Variants in ERG observed in about 807,000 individuals in gnomAD.
The protein encoded by ERG is ETS transcription factor ERG.
In ERG, 9 loss-of-function variants were observed where a neutral mutation model predicts 55.3. The observed-to-expected ratio is 0.16, with a 90% CI of 0.10 to 0.28. The LOEUF (loss-of-function observed/expected upper bound fraction) is 0.28. ERG is among the 10% of genes least tolerant of loss of function. The pLI, the probability that ERG is intolerant of heterozygous loss-of-function variation, is 1.00. For missense variants in ERG, 434 were observed against 631.6 expected (o/e 0.69, Z 3.35); for synonymous variants, 223 against 237.3 (o/e 0.94, Z 0.55).
intron 1 of ERG, among the ~76,000 whole-genome samples, chr21:38,644,621 C>G (rs935140724): frequency 6.6e-5 from 10 of 152,102 alleles, no homozygotes; most frequent in African/African-American, 2.2e-4. Flanking sequence ...CAAGGAAGAA[C>G]TAACTTAGGC....
At chr21:38,384,436 T>C (rs1987596728) in intron 9 of ERG, among the ~76,000 whole-genome samples, 1 of 152,218 alleles carries the variant, frequency 6.6e-6, no homozygotes, top group African/African-American at 2.4e-5. Context: ...CCTAGGACGA[T>C]GATCTAACAG....
At chr21:38,384,716 T>A (rs1987611505) in intron 9 of ERG, among the ~76,000 whole-genome samples, 1 of 151,554 alleles carries the variant, frequency 6.6e-6, no homozygotes, top group Admixed American at 6.6e-5. Flanking sequence ...TGGAAAAAAA[T>A]CGAGAATGGA....
intron 1 of ERG, among the ~76,000 whole-genome samples, chr21:38,621,907 C>T (rs2146943436): frequency 6.6e-6 from 1 of 152,346 alleles, no homozygotes; most frequent in Non-Finnish European, 1.5e-5. Context: ...AAATGGCTGA[C>T]ATCGAGATGA....
intron 2 of ERG, among the ~76,000 whole-genome samples, chr21:38,565,203 T>G (rs2059915466): frequency 6.6e-6 from 1 of 152,138 alleles, no homozygotes; most frequent in African/African-American, 2.4e-5. Flanking sequence ...TCTCACTACC[T>G]CCCCTTTCGC....
At chr21:38,536,096 G>A (rs888741694) in intron 2 of ERG, among the ~76,000 whole-genome samples, 16 of 151,960 alleles carry the variant, frequency 1.1e-4, no homozygotes, top group Non-Finnish European at 2.1e-4. Flanking sequence ...CTACTCCTAG[G>A]GATGGAGTAC....
Position 38,385,134 on chromosome 21 carries a change from T to A in ERG, c.920-1211A>T, listed in dbSNP as rs16996236. On this transcript the variant is annotated intron_variant, in intron 9 of 9. Coordinates refer to ENST00000288319, the MANE Select transcript of ERG (RefSeq NM_182918.4). ...GTTTTATGAAATTCAAAGAAAAATC[T>A]AGGCACATCATTCTAGCTGCTATGT... Among the ~76,000 whole-genome samples the A allele has an allele frequency of 7.0e-3, 1,073 of 152,330 alleles. 6 individuals are homozygous for A. Among genetic ancestry groups the A allele is most frequent in the African/African-American group, 0.024 (1,004 of 41,566 alleles).
chr21:38,578,009 C>G (rs1410251068), intron 1 of ERG, among the ~76,000 whole-genome samples: 1 of 152,200 alleles, frequency 6.6e-6, no homozygotes, highest in Admixed American at 6.5e-5. Flanking sequence ...CCCCTTCCTG[C>G]CTCCTGAAAC....
In ERG at chr21:38,441,534, A is replaced by G. The variant is rs71316643; in HGVS notation, c.236+3870T>C. On this transcript the variant is annotated intron_variant, in intron 2 of 9. Transcript: ENST00000288319. ...ATATCTTAAAATGTAAAAATATCCTATAAGTTCTATTTCTCTAGAGAATCC... is the reference window on the plus strand; with the variant it reads ...ATATCTTAAAATGTAAAAATATCCTGTAAGTTCTATTTCTCTAGAGAATCC... Among the ~76,000 whole-genome samples the G allele has an allele frequency of 3.7e-3, 558 of 152,234 alleles. 1 individual carries two copies. Among genetic ancestry groups the G allele is most frequent in the Middle Eastern group, 6.8e-3 (2 of 294 alleles).
intron 1 of ERG, among the ~76,000 whole-genome samples, chr21:38,492,477 C>A (rs1041971906): frequency 1.2e-4 from 18 of 152,326 alleles, no homozygotes; most frequent in African/African-American, 4.3e-4. Flanking sequence ...GATATCTTAA[C>A]TTCCTCTTTA....
chr21:38,369,399 G>C, the ERG span, among the ~76,000 whole-genome samples: 7 of 152,004 alleles, frequency 4.6e-5, no homozygotes, highest in Admixed American at 4.6e-4. Flanking sequence ...AATAATTGTT[G>C]GCCACATGTA....
At chr21:38,648,323 C>T (rs76745769) in intron 1 of ERG, among the ~76,000 whole-genome samples, 3,308 of 152,268 alleles carry the variant, frequency 0.022, 111 homozygotes, top group African/African-American at 0.074. Context: ...GCGATGCTAC[C>T]GCATGTTGTC....
intron 5 of ERG, 97 bp from the exon 6 acceptor site, chr21:38,400,742 G>C (rs1408424154): frequency 2.2e-6 from 2 of 910,652 alleles, no homozygotes; most frequent in Non-Finnish European, 1.7e-6. Context: ...TGACAACAAA[G>C]GGAAGAGACC....
intron 3 of ERG, among the ~76,000 whole-genome samples, chr21:38,415,499 G>A (rs1989236710): frequency 6.6e-6 from 1 of 152,034 alleles, no homozygotes; most frequent in African/African-American, 2.4e-5. Flanking sequence ...TATTTTAGTG[G>A]GTTTTGTTAT....
downstream of ERG, among the ~76,000 whole-genome samples, chr21:38,377,475 G>A (rs1269049597): frequency 6.6e-6 from 1 of 152,134 alleles, no homozygotes; most frequent in African/African-American, 2.4e-5. Flanking sequence ...AAAAGGTTGG[G>A]CAAGTTACAC....
At chr21:38,369,751 G>A in the ERG span, among the ~76,000 whole-genome samples, 1 of 152,048 alleles carries the variant, frequency 6.6e-6, no homozygotes, top group Non-Finnish European at 1.5e-5. Flanking sequence ...TATAGTTTTG[G>A]GTTTTACATT....
intron 3 of ERG, among the ~76,000 whole-genome samples, chr21:38,419,994 T>C (rs1162135035): frequency 6.6e-6 from 1 of 152,144 alleles, no homozygotes; most frequent in African/African-American, 2.4e-5. Context: ...CATCGGCATG[T>C]ATTGATGATG....
At chr21:38,597,259 G>A (rs1028050591) in intron 1 of ERG, among the ~76,000 whole-genome samples, 3 of 151,904 alleles carry the variant, frequency 2.0e-5, no homozygotes, top group African/African-American at 7.3e-5. Context: ...TTATAAATAT[G>A]GATCAATATA....
chr21:38,588,331 AC>A (rs1373954537), upstream of ERG, among the ~76,000 whole-genome samples: 1 of 151,346 alleles, frequency 6.6e-6, no homozygotes, highest in African/African-American at 2.4e-5. Flanking sequence ...CACCACCACC[AC>A]CCTCCAAGCC....
At chr21:38,651,318 C>T (rs2060487450) in intron 1 of ERG, among the ~76,000 whole-genome samples, 1 of 152,156 alleles carries the variant, frequency 6.6e-6, no homozygotes, top group African/African-American at 2.4e-5. Flanking sequence ...GGCCAAGAGA[C>T]ATAATAGATG....
Sources: gnomAD v4.1 joint callset for allele counts (sites outside exome capture counted in the v4.1 genomes callset) on GRCh38, gnomAD v4.1.1 for gene constraint, MANE v1.5 for transcripts, NCBI Gene and HGNC (gene_info 2026-07-23, HGNC 2026-07-21) for gene names.